The following CDYL variants were observed in gnomAD, a reference collection of about 807,000 sequenced individuals.
The protein encoded by CDYL is chromodomain Y-like protein.
In CDYL, 8 loss-of-function variants were observed where a neutral mutation model predicts 47.3. The ratio of observed to expected loss-of-function variants is 0.17; its 90% confidence interval spans 0.10 to 0.31. The LOEUF (loss-of-function observed/expected upper bound fraction) is 0.31. Ranked by LOEUF, CDYL falls within the 10% of genes least tolerant of loss-of-function variation. The pLI is 1.00. For missense variants in CDYL, 471 were observed against 701.4 expected (o/e 0.67, Z 3.71); for synonymous variants, 266 against 265.0 (o/e 1.00, Z -0.04).
chr6:4,778,485 C>A (rs1287680732), intron 1 of CDYL, among the ~76,000 whole-genome samples: 1 of 152,106 alleles, frequency 6.6e-6, no homozygotes, highest in Non-Finnish European at 1.5e-5. Flanking sequence ...TAATGAGTAA[C>A]ATTTTGTACT....
At chr6:4,834,683 C>G (rs1220087848) in intron 1 of CDYL, among the ~76,000 whole-genome samples, 6 of 152,156 alleles carry the variant, frequency 3.9e-5, no homozygotes, top group Admixed American at 6.5e-5. Flanking sequence ...CAACTTGATT[C>G]CATTCTCCCT....
At chr6:4,899,387 A>G (rs1303290471) in intron 2 of CDYL, among the ~76,000 whole-genome samples, 2 of 152,242 alleles carry the variant, frequency 1.3e-5, no homozygotes, top group Non-Finnish European at 2.9e-5. Context: ...AGGAAACCCC[A>G]AAGAAGTGGT....
intron 3 of CDYL, among the ~76,000 whole-genome samples, chr6:4,739,520 CAA>C (rs34838574): frequency 1.6e-4 from 13 of 80,298 alleles, no homozygotes; most frequent in Non-Finnish European, 1.8e-4. Context: ...AACTCTGACT[CAA>C]AAAAAAAAAA....
upstream of CDYL, chr6:4,772,903 T>TC: frequency 2.9e-6 from 1 of 348,636 alleles, no homozygotes; most frequent in Non-Finnish European, 5.6e-6. Flanking sequence ...TTCTGTCCCA[T>TC]CCCCCATCTC....
At chr6:4,947,046 T>C (rs889888642) in intron 5 of CDYL, among the ~76,000 whole-genome samples, 4 of 152,318 alleles carry the variant, frequency 2.6e-5, no homozygotes, top group Admixed American at 1.3e-4. Context: ...CAGCTTGTGG[T>C]TGGGCCCCAG....
At chr6:4,724,200 C>G (rs778309637) in intron 2 of CDYL, among the ~76,000 whole-genome samples, 1 of 150,550 alleles carries the variant, frequency 6.6e-6, no homozygotes, top group Admixed American at 6.6e-5. Context: ...GCCATCACAC[C>G]CAGCTAATTT....
At chr6:4,891,691 A>T (rs753722279) in intron 1 of CDYL, 22 bp from the exon 2 acceptor site, 7 of 1,556,506 alleles carry the variant, frequency 4.5e-6, no homozygotes, top group Non-Finnish European at 6.1e-6. Context: ...TTTTAAAACT[A>T]TTTTTTTCCT....
chr6:4,722,579 T>A (rs1582279382), intron 2 of CDYL, among the ~76,000 whole-genome samples: 1 of 151,616 alleles, frequency 6.6e-6, no homozygotes, highest in East Asian at 2.0e-4. Flanking sequence ...AAAACTGTTT[T>A]AAAGTCCACA....
At position 4,955,349 on chromosome 6, in the gene CDYL, G is replaced by A. The variant is rs190192008; in HGVS notation, c.*1293G>A. ...TATACTTAGAACTGACCACCTCCCC[G>A]GCCACGCGGAGAGCTGTACAGTGTG... is the stretch of plus-strand genomic sequence containing the variant. On this transcript the variant is annotated 3_prime_UTR_variant, in exon 7 of 7. Coordinates refer to ENST00000397588, the MANE Select transcript of CDYL (RefSeq NM_004824.4). The A allele has an allele frequency of 1.7e-3, 262 of 152,616 alleles. 4 individuals carry two copies. The highest frequency in any genetic ancestry group is 7.5e-3 in the East Asian group (39 of 5,182). The allele number at this position is 152,616 out of a possible 1,614,324, so 9.5% of individuals were successfully genotyped here. A position where few individuals can be genotyped will look rare whatever the true frequency, so the allele number is the denominator to read the frequency against.
At chr6:4,786,216 AC>A (rs1758752808) in intron 1 of CDYL, among the ~76,000 whole-genome samples, 1 of 152,142 alleles carries the variant, frequency 6.6e-6, no homozygotes, top group Non-Finnish European at 1.5e-5. Context: ...ATCTCAAGTT[AC>A]CTTACATGTT....
At chr6:4,843,855 C>G (rs950500184) in intron 1 of CDYL, among the ~76,000 whole-genome samples, 2 of 152,048 alleles carry the variant, frequency 1.3e-5, no homozygotes, top group Non-Finnish European at 2.9e-5. Context: ...GTTTTGAATC[C>G]ATTGCTGTTG....
chr6:4,935,603 A>G lies in CDYL; in HGVS notation c.780A>G (p.Lys260=). ...SVTGVTASKR[K]FIDDRRDQPF... ...CAGGAGTGACTGCCAGCAAAAGGAA[A>G]TTTATTGACGACAGAAGAGACCAGC... is the stretch of plus-strand genomic sequence containing the variant. Residue 260 remains lysine, a synonymous_variant, in exon 3 of 7, where the codon AAA becomes AAG. Coordinates refer to ENST00000397588, the MANE Select transcript of CDYL (RefSeq NM_004824.4). 1 of 1,614,220 alleles carries G rather than the reference A, an allele frequency of 6.2e-7. No individual in the cohort carries two copies. The highest frequency in any genetic ancestry group is 8.5e-7 in the Non-Finnish European group (1 of 1,180,042).
At chr6:4,884,679 G>C (rs907029922) in intron 1 of CDYL, among the ~76,000 whole-genome samples, 1 of 152,172 alleles carries the variant, frequency 6.6e-6, no homozygotes, top group Non-Finnish European at 1.5e-5. Context: ...TGTTTACTGC[G>C]CTGTAGGATA....
At chr6:4,859,351 T>G (rs888158812) in intron 1 of CDYL, among the ~76,000 whole-genome samples, 2 of 152,012 alleles carry the variant, frequency 1.3e-5, no homozygotes, top group Admixed American at 6.5e-5. Context: ...CTTGCCATTG[T>G]GTAGGTAGGT....
intron 2 of CDYL, among the ~76,000 whole-genome samples, chr6:4,895,987 TC>T (rs1249107761): frequency 6.6e-6 from 1 of 152,170 alleles, no homozygotes; most frequent in African/African-American, 2.4e-5. Context: ...ACAGTATTTT[TC>T]CAAGGCCCTC....
At chr6:4,884,638 C>T (rs573381573) in intron 1 of CDYL, among the ~76,000 whole-genome samples, 2 of 152,182 alleles carry the variant, frequency 1.3e-5, no homozygotes, top group South Asian at 2.1e-4. Flanking sequence ...GCCTCGGAGA[C>T]AAGATAGTGT....
intron 1 of CDYL, among the ~76,000 whole-genome samples, chr6:4,777,557 C>T (rs1028208366): frequency 3.9e-5 from 6 of 152,152 alleles, no homozygotes; most frequent in African/African-American, 1.4e-4. Context: ...AAGTAGACTT[C>T]CTGGGAGTAC....
At chr6:4,834,250 C>T (rs2127455232) in intron 1 of CDYL, among the ~76,000 whole-genome samples, 1 of 152,230 alleles carries the variant, frequency 6.6e-6, no homozygotes, top group East Asian at 1.9e-4. Flanking sequence ...CTTTCAGGAG[C>T]TCTTTTAGGA....
At chr6:4,713,541 T>G (rs1028419564) in intron 1 of CDYL, among the ~76,000 whole-genome samples, 1 of 152,032 alleles carries the variant, frequency 6.6e-6, no homozygotes, top group East Asian at 1.9e-4. Flanking sequence ...TCAGTATGAC[T>G]TAATTAAAAA....
Sources: gnomAD v4.1 joint callset for allele counts (sites outside exome capture counted in the v4.1 genomes callset) on GRCh38, gnomAD v4.1.1 for gene constraint, MANE v1.5 for transcripts, NCBI Gene and HGNC (gene_info 2026-07-23, HGNC 2026-07-21) for gene names.